MACROD2: variants seen among roughly 807,000 people sequenced by gnomAD.
The protein encoded by MACROD2 is mono-ADP ribosylhydrolase 2.
MACROD2 carries 36 observed loss-of-function variants against 70.4 expected under a neutral mutation model. The observed-to-expected ratio is 0.51, with a 90% CI of 0.39 to 0.68. The LOEUF (loss-of-function observed/expected upper bound fraction) is 0.68. Among genes scored for constraint, MACROD2 ranks in the 30% least tolerant of loss-of-function variants. MACROD2 has a pLI of 0.00. For synonymous variants in MACROD2, 172 were observed against 178.8 expected (o/e 0.96, Z 0.30); for missense variants, 496 against 538.4 (o/e 0.92, Z 0.78).
rs1010000436 is a variant in MACROD2, at chr20:14,869,301, G to A, written c.418+184342G>A. ...AGAACATTCTTTTGTATCCGTTAGA[G>A]TTTCATCAGAGAAACAGAAACTTCT... is the stretch of plus-strand genomic sequence containing the variant. On this transcript the variant is annotated intron_variant, in intron 5 of 17. Transcript: ENST00000684519. Among the ~76,000 whole-genome samples the A allele has an allele frequency of 9.2e-5, 14 of 152,140 alleles. 1 individual carries two copies. Among genetic ancestry groups the A allele is most frequent in the Middle Eastern group, 3.4e-3 (1 of 294 alleles).
intron 3 of MACROD2, among the ~76,000 whole-genome samples, chr20:14,375,379 C>T (rs1334744397): frequency 6.6e-6 from 1 of 152,126 alleles, no homozygotes; most frequent in African/African-American, 2.4e-5. Context: ...AAGCAGTAGG[C>T]TTAGGTTAAG....
intron 8 of MACROD2, among the ~76,000 whole-genome samples, chr20:15,639,025 T>C (rs1032980121): frequency 3.3e-5 from 5 of 152,066 alleles, no homozygotes; most frequent in Admixed American, 6.5e-5. Context: ...GTGAAAGACA[T>C]TTGGAATTTA....
At chr20:15,562,830 C>T (rs185470465) in intron 8 of MACROD2, among the ~76,000 whole-genome samples, 4 of 152,148 alleles carry the variant, frequency 2.6e-5, no homozygotes, top group African/African-American at 9.6e-5. Flanking sequence ...TAAGATGGGT[C>T]AGATGGATTT....
At chr20:14,047,454 C>CAAAAA (rs11479438) in intron 2 of MACROD2, among the ~76,000 whole-genome samples, 1 of 99,206 alleles carries the variant, frequency 1.0e-5, no homozygotes, top group Admixed American at 1.1e-4. Flanking sequence ...GACTCCGTCT[C>CAAAAA]AAAAAAAAAA....
intron 8 of MACROD2, among the ~76,000 whole-genome samples, chr20:15,783,300 G>A (rs2051866695): frequency 6.6e-6 from 1 of 152,158 alleles, no homozygotes; most frequent in Non-Finnish European, 1.5e-5. Flanking sequence ...AATTAGCAAA[G>A]TGGAAAGGCA....
intron 3 of MACROD2, among the ~76,000 whole-genome samples, chr20:14,201,098 T>G (rs1250003316): frequency 6.6e-6 from 1 of 152,194 alleles, no homozygotes; most frequent in East Asian, 1.9e-4. Context: ...TAATGCTAAA[T>G]TATCTTTTTC....
At chr20:14,307,179 G>T (rs1440235228) in intron 3 of MACROD2, among the ~76,000 whole-genome samples, 1 of 152,108 alleles carries the variant, frequency 6.6e-6, no homozygotes, top group Non-Finnish European at 1.5e-5. Context: ...CTGAGAATGA[G>T]ATGGCCTCCA....
chr20:15,576,552 G>GTTTTTTTTTTTTTTTT (rs11473854), intron 8 of MACROD2, among the ~76,000 whole-genome samples: 2 of 145,752 alleles, frequency 1.4e-5, no homozygotes, highest in Non-Finnish European at 3.0e-5. Flanking sequence ...TGCACAAAAT[G>GTTTTTTTTTTTTTTTT]TTTTTTTTTT....
At chr20:14,641,957 C>G (rs2123492747) in intron 4 of MACROD2, among the ~76,000 whole-genome samples, 1 of 152,320 alleles carries the variant, frequency 6.6e-6, no homozygotes, top group East Asian at 1.9e-4. Context: ...GCCTTGAAGC[C>G]AGGCATTGAC....
chr20:15,546,792 T>A (rs939408899), intron 8 of MACROD2, among the ~76,000 whole-genome samples: 20 of 152,200 alleles, frequency 1.3e-4, no homozygotes, highest in African/African-American at 4.8e-4. Context: ...AATGTCACTA[T>A]TTTACCACGT....
intron 5 of MACROD2, among the ~76,000 whole-genome samples, chr20:14,751,919 T>A (rs568708383): frequency 6.6e-6 from 1 of 152,054 alleles, no homozygotes; most frequent in African/African-American, 2.4e-5. Context: ...ACCTTTGGAG[T>A]AGCAATGAGT....
At chr20:14,004,487 G>A (rs1237536914) in intron 2 of MACROD2, among the ~76,000 whole-genome samples, 3 of 152,082 alleles carry the variant, frequency 2.0e-5, no homozygotes, top group Non-Finnish European at 4.4e-5. Context: ...CCCAGACTCT[G>A]GTGAATGGCC....
At chr20:15,362,537 G>T (rs917232610) in intron 6 of MACROD2, among the ~76,000 whole-genome samples, 1 of 151,814 alleles carries the variant, frequency 6.6e-6, no homozygotes, top group East Asian at 1.9e-4. Context: ...TTCTTTTCCT[G>T]CATCGATACA....
chr20:14,631,961 T>A (rs759069704), intron 4 of MACROD2: 3 of 152,222 alleles, frequency 2.0e-5, no homozygotes, highest in Non-Finnish European at 2.9e-5. Context: ...TAAGAAAAAA[T>A]TTCAGTTGTT....
chr20:14,251,631 TA>T (rs1415226061), intron 3 of MACROD2, among the ~76,000 whole-genome samples: 6 of 152,100 alleles, frequency 3.9e-5, no homozygotes, highest in Non-Finnish European at 8.8e-5. Flanking sequence ...TTTGTTAATC[TA>T]AGTGCTAAAA....
chr20:14,058,543 T>C (rs1424348137), intron 2 of MACROD2, among the ~76,000 whole-genome samples: 1 of 151,960 alleles, frequency 6.6e-6, no homozygotes, highest in East Asian at 1.9e-4. Context: ...TTTTTCCTTA[T>C]GGAGTTTTTT....
At chr20:14,906,456 T>C (rs1008233334) in intron 5 of MACROD2, among the ~76,000 whole-genome samples, 1 of 152,086 alleles carries the variant, frequency 6.6e-6, no homozygotes, top group Non-Finnish European at 1.5e-5. Flanking sequence ...ATCGTGCCAC[T>C]GCACTCCAGC....
At chr20:14,628,196 G>T (rs1171986385) in intron 4 of MACROD2, among the ~76,000 whole-genome samples, 1 of 152,208 alleles carries the variant, frequency 6.6e-6, no homozygotes, top group Non-Finnish European at 1.5e-5. Flanking sequence ...AGATATTAGT[G>T]TGAGGTGCAG....
rs188934048 is a variant in MACROD2, at chr20:14,461,507, T to C, written c.272-31972T>C. Among the ~76,000 whole-genome samples, 282 of 151,954 alleles carry C rather than the reference T, an allele frequency of 1.9e-3. 1 individual carries two copies. The highest frequency in any genetic ancestry group is 2.9e-3 in the Non-Finnish European group (196 of 67,930). Reference sequence around the variant, plus strand: ...TTGCTGTTACTTCTCTAGGTCTTTTTTTTTTATTATACTTTAAGTTTTAGG... The same window carrying C: ...TTGCTGTTACTTCTCTAGGTCTTTTCTTTTTATTATACTTTAAGTTTTAGG... On this transcript the variant is annotated intron_variant, in intron 3 of 17. Transcript: ENST00000684519.
Sources: allele counts gnomAD v4.1 joint callset (sites outside exome capture counted in the v4.1 genomes callset), GRCh38; gene constraint gnomAD v4.1.1; transcripts MANE v1.5; gene names NCBI Gene and HGNC (gene_info 2026-07-23, HGNC 2026-07-21).